Variants in ANO6 observed in about 807,000 individuals in gnomAD.
ANO6 encodes the protein anoctamin 6.
ANO6 carries 106 observed loss-of-function variants against 117.5 expected under a neutral mutation model. That is an observed-to-expected ratio of 0.90 (90% CI 0.77 to 1.06). The LOEUF is 1.06. Among genes scored for constraint, ANO6 ranks in the 50% least tolerant of loss-of-function variants. The pLI is 0.00. For synonymous variants in ANO6, 367 were observed against 385.1 expected (o/e 0.95, Z 0.55); for missense variants, 955 against 1,121.1 (o/e 0.85, Z 2.12).
At chr12:45,398,102 G>T (rs1199087618) in intron 12 of ANO6, among the ~76,000 whole-genome samples, 3 of 152,116 alleles carry the variant, frequency 2.0e-5, no homozygotes, top group Non-Finnish European at 2.9e-5. Flanking sequence ...TACATCAAAA[G>T]TATCCTAAAT....
At chr12:45,399,308 G>C (rs749028066) in intron 12 of ANO6, among the ~76,000 whole-genome samples, 1 of 152,122 alleles carries the variant, frequency 6.6e-6, no homozygotes, top group Non-Finnish European at 1.5e-5. Flanking sequence ...TGATTCTCCT[G>C]TCTCAGCCTC....
intron 1 of ANO6, among the ~76,000 whole-genome samples, chr12:45,226,374 A>G (rs868041482): frequency 2.0e-5 from 3 of 152,022 alleles, no homozygotes; most frequent in South Asian, 2.1e-4. Context: ...ATAATAGTAC[A>G]TTGGAATTCT....
At chr12:45,332,697 G>A (rs1420549944) in intron 3 of ANO6, among the ~76,000 whole-genome samples, 1 of 152,012 alleles carries the variant, frequency 6.6e-6, no homozygotes, top group Non-Finnish European at 1.5e-5. Flanking sequence ...GTTTGGGGTT[G>A]GGCCTCTGTC....
intron 8 of ANO6, among the ~76,000 whole-genome samples, chr12:45,365,995 A>C (rs1392185589): frequency 1.3e-5 from 2 of 151,782 alleles, no homozygotes; most frequent in Non-Finnish European, 2.9e-5. Context: ...TCCCATTCCT[A>C]TTTGTTTTTC....
chr12:45,264,875 C>A (rs1411424575), intron 1 of ANO6, among the ~76,000 whole-genome samples: 1 of 152,172 alleles, frequency 6.6e-6, no homozygotes, highest in Non-Finnish European at 1.5e-5. Flanking sequence ...AGCCAACACA[C>A]CAAATTTGGT....
chr12:45,331,512 T>A (rs1940665916), intron 3 of ANO6, 89 bp downstream of exon 3: 1 of 1,205,260 alleles, frequency 8.3e-7, no homozygotes, highest in Non-Finnish European at 1.2e-6. Context: ...AAAGTGAAAC[T>A]GATGTTGAAA....
At chr12:45,342,510 A>C (rs1941007088) in intron 3 of ANO6, among the ~76,000 whole-genome samples, 1 of 152,164 alleles carries the variant, frequency 6.6e-6, no homozygotes, top group African/African-American at 2.4e-5. Context: ...GGTGTACTTC[A>C]GAATTAAACT....
At chr12:45,424,136 A>G (rs571708888) in intron 19 of ANO6, among the ~76,000 whole-genome samples, 3 of 151,660 alleles carry the variant, frequency 2.0e-5, no homozygotes, top group East Asian at 1.9e-4. Flanking sequence ...ACAGGTTTCT[A>G]TTTAAACATG....
intron 19 of ANO6, among the ~76,000 whole-genome samples, chr12:45,426,690 G>A (rs1011898635): frequency 6.6e-6 from 1 of 152,038 alleles, no homozygotes; most frequent in African/African-American, 2.4e-5. Context: ...GGGCTCCTAG[G>A]AAAGTACGCT....
At chr12:45,216,423 G>C (rs1488044320) in intron 1 of ANO6, 32 bp downstream of exon 1, 10 of 1,601,660 alleles carry the variant, frequency 6.2e-6, no homozygotes, top group Non-Finnish European at 8.5e-6. Flanking sequence ...CCCCACCCGA[G>C]AGCCCGAGCC....
intron 1 of ANO6, among the ~76,000 whole-genome samples, chr12:45,295,723 G>T (rs1939270024): frequency 6.6e-6 from 1 of 151,952 alleles, no homozygotes; most frequent in Non-Finnish European, 1.5e-5. Context: ...ACTATGGCTG[G>T]CTAATTTTTT....
At chr12:45,433,427 A>G (rs1943671144), downstream of ANO6, among the ~76,000 whole-genome samples, 1 of 152,214 alleles carries the variant, frequency 6.6e-6, no homozygotes, top group Admixed American at 6.5e-5. Context: ...TACTTTGGCA[A>G]ACTCCTGCCC....
At chr12:45,243,811 A>G (rs1257410305) in intron 1 of ANO6, among the ~76,000 whole-genome samples, 1 of 152,146 alleles carries the variant, frequency 6.6e-6, no homozygotes, top group Non-Finnish European at 1.5e-5. Context: ...CAGCTTCCCA[A>G]AGTGCTGGGA....
chr12:45,324,535 G>A lies in ANO6; in HGVS notation c.151-6760G>A, dbSNP rs147053555. ...GCCCAGGGGTACATGTGACATAAGC[G>A]GTTGACTAGGGAATTACAGATTATG... On this transcript the variant is annotated intron_variant, in intron 2 of 19. Coordinates refer to ENST00000320560, the MANE Select transcript of ANO6 (RefSeq NM_001025356.3). 5.9e-5 allele frequency among the ~76,000 whole-genome samples: 9 copies of A among 152,244 alleles called. No homozygotes were observed. In the East Asian group the frequency reaches 1.4e-3, roughly 23 times the overall value.
chr12:45,382,133 C>T (rs1332676503), intron 10 of ANO6, among the ~76,000 whole-genome samples: 1 of 152,120 alleles, frequency 6.6e-6, no homozygotes, highest in African/African-American at 2.4e-5. Flanking sequence ...GAAGTTGCAG[C>T]AAGCTTTGAG....
At chr12:45,345,433 T>C (rs74080803) in intron 3 of ANO6, among the ~76,000 whole-genome samples, 2,760 of 152,220 alleles carry the variant, frequency 0.018, 79 homozygotes, top group African/African-American at 0.063. Flanking sequence ...ATGAGTATTG[T>C]TCCCTGGGTA....
intron 1 of ANO6, among the ~76,000 whole-genome samples, chr12:45,293,498 C>A (rs1314148198): frequency 6.7e-6 from 1 of 149,652 alleles, no homozygotes; most frequent in African/African-American, 2.4e-5. Context: ...TTATAAAAAT[C>A]ACTCTTTAAA....
intron 16 of ANO6, among the ~76,000 whole-genome samples, chr12:45,413,091 G>A (rs1943127198): frequency 6.6e-6 from 1 of 152,204 alleles, no homozygotes; most frequent in African/African-American, 2.4e-5. Flanking sequence ...TATTCTTAAA[G>A]AAATTAGGAT....
At chr12:45,223,199 A>G (rs928500473) in intron 1 of ANO6, among the ~76,000 whole-genome samples, 3 of 152,320 alleles carry the variant, frequency 2.0e-5, no homozygotes, top group Non-Finnish European at 4.4e-5. Flanking sequence ...GGGAACCCCA[A>G]TTTATAAACA....
Sources: allele counts gnomAD v4.1 joint callset (sites outside exome capture counted in the v4.1 genomes callset), GRCh38; gene constraint gnomAD v4.1.1; transcripts MANE v1.5; gene names NCBI Gene and HGNC (gene_info 2026-07-23, HGNC 2026-07-21).